Variants in CNBD1 observed in about 807,000 individuals in gnomAD.
The protein encoded by CNBD1 is cyclic nucleotide binding domain containing 1.
In CNBD1, 71 loss-of-function variants were observed where a neutral mutation model predicts 54.4. That is an observed-to-expected ratio of 1.30 (90% confidence interval 1.08 to 1.59). The LOEUF is 1.59. Among genes scored for constraint, CNBD1 ranks in the 40% most tolerant of loss-of-function variants. CNBD1 has a pLI of 0.00. For missense variants in CNBD1, 659 were observed against 518.0 expected (o/e 1.27, Z -2.64); for synonymous variants, 182 against 170.7 (o/e 1.07, Z -0.51).
At chr8:86,891,424 T>C (rs1450297352) in intron 2 of CNBD1, among the ~76,000 whole-genome samples, 1 of 152,156 alleles carries the variant, frequency 6.6e-6, no homozygotes, top group Non-Finnish European at 1.5e-5. Context: ...CTGGGTTTTC[T>C]ATCCTGTTCC....
intron 6 of CNBD1, among the ~76,000 whole-genome samples, chr8:87,244,589 C>G (rs1248662100): frequency 6.6e-6 from 1 of 152,078 alleles, no homozygotes; most frequent in Non-Finnish European, 1.5e-5. Flanking sequence ...TACCCTTTAA[C>G]CCAGTTCTCT....
chr8:87,382,523 C>A, intron 10 of CNBD1, 97 bp from the exon 11 acceptor site: 1 of 911,326 alleles, frequency 1.1e-6, no homozygotes, highest in Non-Finnish European at 1.7e-6. Context: ...CCCTCTGACT[C>A]AGCAATGTAA....
At chr8:87,093,106 T>C (rs1420433530) in intron 4 of CNBD1, among the ~76,000 whole-genome samples, 2 of 152,206 alleles carry the variant, frequency 1.3e-5, no homozygotes, top group Admixed American at 1.3e-4. Context: ...AATAGATGTA[T>C]GCTTATTTCT....
chr8:87,266,074 A>C (rs1288760747), intron 6 of CNBD1, among the ~76,000 whole-genome samples: 1 of 152,086 alleles, frequency 6.6e-6, no homozygotes, highest in Non-Finnish European at 1.5e-5. Flanking sequence ...TTTCTTTGAA[A>C]GATATCACAG....
chr8:86,918,270 T>C (rs1809218593), intron 3 of CNBD1, among the ~76,000 whole-genome samples: 1 of 152,202 alleles, frequency 6.6e-6, no homozygotes, highest in African/African-American at 2.4e-5. Flanking sequence ...AGATGCATCA[T>C]ACACTCTTCT....
intron 8 of CNBD1, among the ~76,000 whole-genome samples, chr8:87,303,738 C>G (rs1032012466): frequency 2.8e-5 from 4 of 144,290 alleles, no homozygotes; most frequent in Non-Finnish European, 1.5e-5. Context: ...ATCTACTGAT[C>G]TGACAAAGAG....
chr8:87,279,112 GA>G (rs982817460), intron 6 of CNBD1, among the ~76,000 whole-genome samples: 4 of 151,098 alleles, frequency 2.6e-5, no homozygotes, highest in African/African-American at 7.3e-5. Context: ...CATATGTAAA[GA>G]AAAAAACACA....
chr8:87,280,553 T>G (rs1314260787), intron 6 of CNBD1, among the ~76,000 whole-genome samples: 1 of 151,566 alleles, frequency 6.6e-6, no homozygotes, highest in East Asian at 1.9e-4. Context: ...AAGCTACTAT[T>G]TAAAAATAGT....
intron 5 of CNBD1, among the ~76,000 whole-genome samples, chr8:87,233,007 C>G (rs1171230286): frequency 6.6e-6 from 1 of 151,866 alleles, no homozygotes; most frequent in East Asian, 1.9e-4. Context: ...TTTAAATTGG[C>G]CAAAACTTTT....
intron 2 of CNBD1, among the ~76,000 whole-genome samples, chr8:86,903,740 TAA>T (rs1028636281): frequency 1.3e-5 from 2 of 152,050 alleles, no homozygotes; most frequent in African/African-American, 4.8e-5. Context: ...TCAGGTTATA[TAA>T]ATGTGCAATA....
chr8:87,297,062 C>T (rs911453854), intron 8 of CNBD1, among the ~76,000 whole-genome samples: 2 of 149,274 alleles, frequency 1.3e-5, no homozygotes, highest in Admixed American at 6.8e-5. Context: ...CCTGTAGTCC[C>T]AGCTACTCCG....
chr8:87,214,021 T>C (rs1814155993), intron 5 of CNBD1, among the ~76,000 whole-genome samples: 1 of 152,154 alleles, frequency 6.6e-6, no homozygotes, highest in Admixed American at 6.6e-5. Context: ...CAGAATGATC[T>C]CCTTTAACTC....
intron 4 of CNBD1, among the ~76,000 whole-genome samples, chr8:86,997,101 T>C (rs1808891757): frequency 6.6e-6 from 1 of 152,174 alleles, no homozygotes; most frequent in South Asian, 2.1e-4. Context: ...ATTCAGACCA[T>C]AGCAAAATTT....
At chr8:87,018,494 TAATC>T (rs1306204819) in intron 4 of CNBD1, among the ~76,000 whole-genome samples, 2 of 152,230 alleles carry the variant, frequency 1.3e-5, no homozygotes, top group Non-Finnish European at 2.9e-5. Flanking sequence ...CTTGGCATAA[TAATC>T]CTCTAAAAAG....
intron 3 of CNBD1, among the ~76,000 whole-genome samples, chr8:86,915,784 T>C (rs141797024): frequency 7.6e-4 from 116 of 152,304 alleles, no homozygotes; most frequent in Non-Finnish European, 1.4e-3. Context: ...TGACATATAG[T>C]GTCTATTTTG....
chr8:87,076,003 A>C (rs537534670), intron 4 of CNBD1, among the ~76,000 whole-genome samples: 13 of 152,304 alleles, frequency 8.5e-5, no homozygotes, highest in African/African-American at 2.9e-4. Context: ...TGGCATACTA[A>C]AGAAAAATAT....
intron 2 of CNBD1, among the ~76,000 whole-genome samples, chr8:87,418,785 T>G (rs1410921470): frequency 6.6e-6 from 1 of 151,840 alleles, no homozygotes; most frequent in African/African-American, 2.4e-5. Context: ...GATATCAAAA[T>G]ATAAAATATA....
At chr8:87,072,535 G>A (rs903697445) in intron 4 of CNBD1, among the ~76,000 whole-genome samples, 2 of 152,226 alleles carry the variant, frequency 1.3e-5, no homozygotes, top group Admixed American at 6.5e-5. Flanking sequence ...TTGCTTGACT[G>A]AAAAGTATCT....
At chr8:87,295,082 A>G (rs1183567483) in intron 8 of CNBD1, among the ~76,000 whole-genome samples, 1 of 151,918 alleles carries the variant, frequency 6.6e-6, no homozygotes, top group African/African-American at 2.4e-5. Flanking sequence ...GAAATGTGTG[A>G]TGGCTATGTA....
Sources: gnomAD v4.1 joint callset for allele counts (sites outside exome capture counted in the v4.1 genomes callset) on GRCh38, gnomAD v4.1.1 for gene constraint, MANE v1.5 for transcripts, NCBI Gene and HGNC (gene_info 2026-07-23, HGNC 2026-07-21) for gene names.